The following SGK1 variants were observed in gnomAD, a reference collection of about 807,000 sequenced individuals.
SGK1 encodes the protein serum/glucocorticoid regulated kinase 1.
SGK1 carries 26 observed loss-of-function variants against 64.2 expected under a neutral mutation model. The ratio of observed to expected loss-of-function variants is 0.40; its 90% CI spans 0.30 to 0.56. The LOEUF (loss-of-function observed/expected upper bound fraction) is 0.56, where lower values mean the gene tolerates loss of function less well. Among genes scored for constraint, SGK1 ranks in the 20% least tolerant of loss-of-function variants. The pLI is 0.38. For synonymous variants in SGK1, 265 were observed against 239.7 expected (o/e 1.11, Z -0.98); for missense variants, 519 against 645.6 (o/e 0.80, Z 2.12).
At chr6:134,239,966 G>A (rs932622794) in intron 2 of SGK1, among the ~76,000 whole-genome samples, 5 of 152,108 alleles carry the variant, frequency 3.3e-5, no homozygotes, top group African/African-American at 7.2e-5. Context: ...GATGGGAAGC[G>A]AGGACATCAG....
At chr6:134,295,199 C>G (rs1777328025) in intron 1 of SGK1, among the ~76,000 whole-genome samples, 1 of 152,108 alleles carries the variant, frequency 6.6e-6, no homozygotes, top group Admixed American at 6.6e-5. Context: ...GAAGAGTAAG[C>G]TATTCTGCAT....
At chr6:134,259,530 G>A (rs1007502962) in intron 2 of SGK1, among the ~76,000 whole-genome samples, 3 of 151,942 alleles carry the variant, frequency 2.0e-5, no homozygotes, top group African/African-American at 4.8e-5. Context: ...TGTAATCCCG[G>A]CTACTCAGGA....
chr6:134,305,693 C>T (rs967752038), intron 1 of SGK1, among the ~76,000 whole-genome samples: 2 of 151,994 alleles, frequency 1.3e-5, no homozygotes, highest in East Asian at 3.9e-4. Flanking sequence ...GTTGCCCAGG[C>T]TAGAGTACAG....
intron 3 of SGK1, among the ~76,000 whole-genome samples, chr6:134,196,480 TAATAATAATAA>T (rs894353595): frequency 6.6e-6 from 1 of 151,324 alleles, no homozygotes; most frequent in African/African-American, 2.4e-5. Flanking sequence ...AAAATTAAAA[TAATAATAATAA>T]AATAATAATA....
At chr6:134,248,394 G>A (rs948089305) in intron 2 of SGK1, among the ~76,000 whole-genome samples, 23 of 147,878 alleles carry the variant, frequency 1.6e-4, no homozygotes, top group African/African-American at 5.4e-4. Flanking sequence ...CCCATACAGA[G>A]ACAGATGACA....
chr6:134,251,995 G>A (rs773294994), intron 2 of SGK1, among the ~76,000 whole-genome samples: 5 of 152,084 alleles, frequency 3.3e-5, no homozygotes, highest in Admixed American at 6.6e-5. Context: ...GGGCTCAAGC[G>A]ATCCTCCCAC....
At chr6:134,237,917 A>G (rs1299656131) in intron 2 of SGK1, among the ~76,000 whole-genome samples, 2 of 152,222 alleles carry the variant, frequency 1.3e-5, no homozygotes, top group Admixed American at 1.3e-4. Flanking sequence ...CTTGTCCTTG[A>G]GAATAATATA....
chr6:134,251,841 A>G (rs1776610036), intron 2 of SGK1, among the ~76,000 whole-genome samples: 1 of 152,240 alleles, frequency 6.6e-6, no homozygotes, highest in Middle Eastern at 3.4e-3. Context: ...TGCATCCTCA[A>G]TCTCCCAGGC....
intron 1 of SGK1, among the ~76,000 whole-genome samples, chr6:134,312,257 G>A (rs1021927428): frequency 6.6e-6 from 1 of 152,176 alleles, no homozygotes; most frequent in African/African-American, 2.4e-5. Context: ...TGCTTTGAAC[G>A]GTGCTGCTCA....
chr6:134,286,044 G>A (rs1306517241), intron 1 of SGK1, among the ~76,000 whole-genome samples: 2 of 152,196 alleles, frequency 1.3e-5, no homozygotes, highest in African/African-American at 2.4e-5. Context: ...AAGTCTTATT[G>A]CAGGCTGTAG....
At chr6:134,315,716 T>C (rs1406772661) in intron 1 of SGK1, among the ~76,000 whole-genome samples, 1 of 152,142 alleles carries the variant, frequency 6.6e-6, no homozygotes, top group Non-Finnish European at 1.5e-5. Flanking sequence ...GGCTATGGCA[T>C]TTTTAAAATT....
At chr6:134,298,702 AG>A in intron 1 of SGK1, 1 of 740,946 alleles carries the variant, frequency 1.3e-6, no homozygotes, top group Non-Finnish European at 2.0e-6. Flanking sequence ...GACATGGTGG[AG>A]GCAGGAGTGG....
intron 3 of SGK1, among the ~76,000 whole-genome samples, chr6:134,183,671 T>C (rs1347639812): frequency 2.0e-5 from 3 of 152,304 alleles, no homozygotes; most frequent in African/African-American, 7.2e-5. Context: ...TATCTAGTTT[T>C]TCAAGTGAGG....
At chr6:134,311,915 G>T (rs752355387) in intron 1 of SGK1, among the ~76,000 whole-genome samples, 1 of 152,112 alleles carries the variant, frequency 6.6e-6, no homozygotes, top group African/African-American at 2.4e-5. Flanking sequence ...CATTCCTACC[G>T]CTCTCAGTAG....
At chr6:134,283,035 T>G (rs1777118440) in intron 1 of SGK1, 1 of 151,884 alleles carries the variant, frequency 6.6e-6, no homozygotes, top group Admixed American at 6.6e-5. Flanking sequence ...GGAAGACATA[T>G]TTGGGCTTCC....
At chr6:134,186,824 G>A (rs567418927) in intron 3 of SGK1, among the ~76,000 whole-genome samples, 6 of 147,634 alleles carry the variant, frequency 4.1e-5, no homozygotes, top group African/African-American at 1.5e-4. Flanking sequence ...TTTTTTTTTG[G>A]TTTTTTTTTT....
intron 2 of SGK1, among the ~76,000 whole-genome samples, chr6:134,223,551 G>C (rs1010304611): frequency 6.6e-6 from 1 of 152,102 alleles, no homozygotes; most frequent in Non-Finnish European, 1.5e-5. Flanking sequence ...CCTGACATGA[G>C]AGGAAAAAAT....
chr6:134,217,478 G>A (rs995222507), intron 2 of SGK1, among the ~76,000 whole-genome samples: 1 of 152,086 alleles, frequency 6.6e-6, no homozygotes, highest in Admixed American at 6.6e-5. Context: ...CTGGGTGGTG[G>A]GCTTCACTCA....
chr6:134,259,335 A>G (rs987501138), intron 2 of SGK1, among the ~76,000 whole-genome samples: 6 of 152,172 alleles, frequency 3.9e-5, no homozygotes, highest in Non-Finnish European at 5.9e-5. Context: ...AGTTCTTTAG[A>G]GTCTAAGAAA....
Sources: allele counts gnomAD v4.1 joint callset (sites outside exome capture counted in the v4.1 genomes callset), GRCh38; gene constraint gnomAD v4.1.1; transcripts MANE v1.5; gene names NCBI Gene and HGNC (gene_info 2026-07-23, HGNC 2026-07-21).